GDF1: variants seen among roughly 807,000 people sequenced by gnomAD.
GDF1 encodes the protein embryonic growth/differentiation factor 1.
In GDF1, 8 loss-of-function variants were observed where a neutral mutation model predicts 7.4. The observed-to-expected ratio is 1.09, with a 90% CI of 0.64 to 1.96. The LOEUF is 1.96. Among genes scored for constraint, GDF1 ranks in the 30% most tolerant of loss-of-function variants. The probability of loss-of-function intolerance (pLI) is 0.00; values close to 1 mark genes in which losing one functional copy is unlikely to be tolerated. For missense variants in GDF1, 574 were observed against 551.5 expected (o/e 1.04, Z -0.41); for synonymous variants, 311 against 276.7 (o/e 1.12, Z -1.23).
Position 18,878,626 on chromosome 19 carries a change from T to C in GDF1, c.-313+304A>G. 8.3e-7 allele frequency: 1 copy of C among 1,204,078 alleles called. No homozygotes were observed. The highest frequency in any genetic ancestry group is 1.0e-6 in the Non-Finnish European group (1 of 958,974). 74.6% of individuals were successfully genotyped at this position (1,204,078 alleles called of 1,614,324 possible). ...CTACTCCTCACCACCCACAGGGCCCTGGCTCGCCACTCCCGCCACACCAGC... is the reference window on the plus strand; with the variant it reads ...CTACTCCTCACCACCCACAGGGCCCCGGCTCGCCACTCCCGCCACACCAGC... On this transcript the variant is annotated intron_variant, in intron 6 of 7. Coordinates refer to ENST00000247005, the MANE Select transcript of GDF1 (RefSeq NM_001492.6). This position sits in a 1 kb window ranked among gnomAD's most constrained non-coding sequence, Gnocchi z 4.6.
chr19:18,879,935 C>T (rs2056160688), intron 4 of GDF1, among the ~76,000 whole-genome samples: 1 of 151,774 alleles, frequency 6.6e-6, no homozygotes, highest in South Asian at 2.1e-4. Context: ...TGGCCCCACC[C>T]CTGGCTTGCT....
intron 4 of GDF1, among the ~76,000 whole-genome samples, chr19:18,879,845 GCCTC>G (rs1332202267): frequency 1.0e-5 from 1 of 100,062 alleles, no homozygotes; most frequent in African/African-American, 3.9e-5. Flanking sequence ...CCTGCACAGC[GCCTC>G]CCTTTCTCTG....
chr19:18,891,382 C>T (rs748241541), intron 2 of GDF1, among the ~76,000 whole-genome samples: 13 of 152,118 alleles, frequency 8.5e-5, no homozygotes, highest in Non-Finnish European at 1.8e-4. Flanking sequence ...GCAGAGAAGC[C>T]GCAGCCCCCA....
intron 2 of GDF1, among the ~76,000 whole-genome samples, chr19:18,891,008 C>T (rs2056477426): frequency 6.6e-6 from 1 of 151,834 alleles, no homozygotes; most frequent in South Asian, 2.1e-4. Flanking sequence ...CCTATAATTC[C>T]AGCTACTTAG....
At chr19:18,884,699 G>A (rs1336451454) in intron 2 of GDF1, among the ~76,000 whole-genome samples, 2 of 127,984 alleles carry the variant, frequency 1.6e-5, no homozygotes, top group African/African-American at 2.9e-5. Context: ...GAGCCACCCC[G>A]CCCAGCCGTC....
chr19:18,885,517 T>TG (rs143416454), intron 2 of GDF1, among the ~76,000 whole-genome samples: 106,315 of 137,546 alleles, frequency 0.77, 41,060 homozygotes, highest in Admixed American at 0.84. Context: ...TCTCGTTTTT[T>TG]TTTTTTTTTT....
intron 3 of GDF1, among the ~76,000 whole-genome samples, chr19:18,882,850 G>C (rs1380468666): frequency 6.6e-6 from 1 of 151,294 alleles, no homozygotes; most frequent in African/African-American, 2.4e-5. Context: ...CCACCACCAC[G>C]CCCAGCTAAT....
chr19:18,895,842 G>T lies in GDF1; in HGVS notation c.-1092C>A. On this transcript the variant is annotated 5_prime_UTR_variant, in exon 1 of 8. Transcript: ENST00000247005. This position sits in a 1 kb window ranked among gnomAD's most constrained non-coding sequence, Gnocchi z 6.4. ...CACTGACCCGAAAGAGGCGCGCAGT[G>T]GCCGCGGAGCGCAGGGCGGTCCAGC... The T allele has an allele frequency of 7.7e-7, 1 of 1,296,176 alleles. No individual in the cohort carries two copies. The highest frequency in any genetic ancestry group is 9.8e-7 in the Non-Finnish European group (1 of 1,021,692). 80.3% of individuals were successfully genotyped at this position (1,296,176 alleles called of 1,614,324 possible).
At chr19:18,882,568 C>T (rs568846009) in intron 3 of GDF1, among the ~76,000 whole-genome samples, 22 of 151,658 alleles carry the variant, frequency 1.5e-4, no homozygotes, top group South Asian at 6.3e-4. Flanking sequence ...ACCTGGGAGC[C>T]GGAGGTTGCA....
chr19:18,876,484 GGT>G (rs1356210964), intron 6 of GDF1, among the ~76,000 whole-genome samples: 1 of 151,678 alleles, frequency 6.6e-6, no homozygotes, highest in Non-Finnish European at 1.5e-5. Context: ...TGGGACTATA[GGT>G]GTGTGCCACA....
At position 18,895,910 on chromosome 19, in the gene GDF1, G is replaced by A. The variant is rs2056615052; in HGVS notation, c.-1160C>T. 1 of 1,249,458 alleles carries A rather than the reference G, an allele frequency of 8.0e-7. No homozygotes were observed. The allele number at this position is 1,249,458 out of a possible 1,614,324, so 77.4% of individuals were successfully genotyped here. A position where few individuals can be genotyped will look rare whatever the true frequency, so the allele number is the denominator to read the frequency against. ...AGCAGCAGCAGCTCGGGCGGCGCCAGGTGCGCGTGCTCAGCCAGGCCGCGA... is the reference window on the plus strand; with the variant it reads ...AGCAGCAGCAGCTCGGGCGGCGCCAAGTGCGCGTGCTCAGCCAGGCCGCGA... On this transcript the variant is annotated 5_prime_UTR_variant, in exon 1 of 8. Coordinates refer to ENST00000247005, the MANE Select transcript of GDF1 (RefSeq NM_001492.6). The surrounding 1 kb of genome is among the most constrained non-coding windows in gnomAD (Gnocchi z 6.4).
chr19:18,881,526 G>A (rs1426760166), intron 3 of GDF1, among the ~76,000 whole-genome samples: 2 of 151,596 alleles, frequency 1.3e-5, no homozygotes, highest in East Asian at 3.9e-4. Context: ...GGCCCCATTA[G>A]GATCTTAATA....
At position 18,887,696 on chromosome 19, in the gene GDF1, A is replaced by G. The variant is rs1205187483; in HGVS notation, c.-913-3429T>C. ...GAGGCGGAGGTTGTGGTGAGCCGAG[A>G]TCACACCACTGCACTCCAGCCTGGG... On this transcript the variant is annotated intron_variant, in intron 2 of 7. Coordinates refer to ENST00000247005, the MANE Select transcript of GDF1 (RefSeq NM_001492.6). Among the ~76,000 whole-genome samples the G allele has an allele frequency of 4.0e-5, 6 of 150,094 alleles. No homozygotes were observed. In the East Asian group the frequency reaches 9.8e-4, roughly 25 times the overall value.
At chr19:18,877,369 G>A (rs1258472086) in intron 6 of GDF1, among the ~76,000 whole-genome samples, 5 of 152,148 alleles carry the variant, frequency 3.3e-5, no homozygotes, top group Admixed American at 6.5e-5. Context: ...GGACCTTCCT[G>A]GTGTCTAGAT....
At chr19:18,892,236 A>T (rs967753232) in intron 2 of GDF1, among the ~76,000 whole-genome samples, 9 of 151,970 alleles carry the variant, frequency 5.9e-5, no homozygotes, top group African/African-American at 1.9e-4. Flanking sequence ...GTGCAAGCCG[A>T]GGGGACCCTC....
In GDF1 at chr19:18,870,225, CG is replaced by C; in HGVS notation, c.82del (p.Arg28AlafsTer16). On this transcript the variant is annotated frameshift_variant, in exon 7 of 8. Coordinates refer to ENST00000247005, the MANE Select transcript of GDF1 (RefSeq NM_001492.6). LOFTEE classifies it high-confidence loss of function. This position sits in a 1 kb window ranked among gnomAD's most constrained non-coding sequence, Gnocchi z 5.1. The part of the protein sequence containing the change: ...ALLLPSLPLT[R>X]APVPPGPAAA... Reference sequence around the variant, plus strand: ...GGCTGGGCCTGGGGGCACGGGGGCGCGGGTCAGGGGCAGCGAGGGCAGCAGC... The same window carrying C: ...GGCTGGGCCTGGGGGCACGGGGGCGCGGTCAGGGGCAGCGAGGGCAGCAGC... 6.5e-7 allele frequency: 1 copy of C among 1,547,530 alleles called. No individual in the cohort carries two copies.
chr19:18,870,223 C>T lies in GDF1; in HGVS notation c.85G>A (p.Ala29Thr). The part of the protein sequence containing the change: ...LLLPSLPLTR[A>T]PVPPGPAAAL... ...GCGGCTGGGCCTGGGGGCACGGGGG[C>T]GCGGGTCAGGGGCAGCGAGGGCAGC... is the stretch of plus-strand genomic sequence containing the variant. Residue 29 changes from alanine (A) to threonine (T), a missense_variant, in exon 7 of 8, where the codon GCC (alanine) becomes ACC (threonine). By Grantham distance (58) the Ala-to-Thr change is moderately conservative. Coordinates refer to ENST00000247005, the MANE Select transcript of GDF1 (RefSeq NM_001492.6). The surrounding 1 kb of genome is among the most constrained non-coding windows in gnomAD (Gnocchi z 5.1). The T allele has an allele frequency of 6.4e-7, 1 of 1,554,072 alleles. No individual in the cohort carries two copies. Among genetic ancestry groups the T allele is most frequent in the Non-Finnish European group, 8.7e-7 (1 of 1,154,670 alleles).
Position 18,879,350 on chromosome 19 carries a change from A to C in GDF1, c.-532T>G. The C allele has an allele frequency of 2.5e-6, 4 of 1,594,386 alleles. No homozygotes were observed. Among genetic ancestry groups the C allele is most frequent in the Non-Finnish European group, 3.4e-6 (4 of 1,170,712 alleles). On this transcript the variant is annotated 5_prime_UTR_variant, in exon 5 of 8. Coordinates refer to ENST00000247005, the MANE Select transcript of GDF1 (RefSeq NM_001492.6). Reference sequence around the variant, plus strand: ...CAGACTGCAGTGACTGGTGGCATACAGGACCTTGAGCGGGAACCAGTAGAG... The same window carrying C: ...CAGACTGCAGTGACTGGTGGCATACCGGACCTTGAGCGGGAACCAGTAGAG...
intron 2 of GDF1, among the ~76,000 whole-genome samples, chr19:18,886,839 T>C (rs965450813): frequency 6.6e-6 from 1 of 152,110 alleles, no homozygotes; most frequent in African/African-American, 2.4e-5. Flanking sequence ...AGGACCCCCA[T>C]CCAGGGTCCC....
Sources: allele counts gnomAD v4.1 joint callset (sites outside exome capture counted in the v4.1 genomes callset), GRCh38; gene constraint gnomAD v4.1.1; non-coding constraint Gnocchi (gnomAD v3.1); transcripts MANE v1.5; gene names NCBI Gene and HGNC (gene_info 2026-07-23, HGNC 2026-07-21).